PCDHA3: variants seen among roughly 807,000 people sequenced by gnomAD.
PCDHA3 encodes the protein protocadherin alpha 3.
Under a neutral mutation model 62.2 loss-of-function variants are expected in PCDHA3, and 41 were observed. The observed-to-expected ratio is 0.66, with a 90% CI of 0.51 to 0.86. PCDHA3 has a LOEUF of 0.86. Ranked by LOEUF, PCDHA3 falls within the 40% of genes least tolerant of loss-of-function variation. The probability of loss-of-function intolerance (pLI) is 0.00; values close to 1 mark genes in which losing one functional copy is unlikely to be tolerated. For synonymous variants in PCDHA3, 640 were observed against 555.4 expected, an observed-to-expected ratio of 1.15 and a Z score of -2.14; for missense variants, 1,304 against 1,241.2, an observed-to-expected ratio of 1.05 and a Z score of -0.76.
chr5:140,853,445 A>G, intron 1 of PCDHA3: 1 of 981,870 alleles, frequency 1.0e-6, no homozygotes, highest in Non-Finnish European at 1.2e-6. Flanking sequence ...ATTTTGCCTA[A>G]TAGGTCTCCT....
chr5:140,928,081 C>G lies in PCDHA3; in HGVS notation c.2395-50868C>G, dbSNP rs782268064. On this transcript the variant is annotated intron_variant, in intron 1 of 3. Coordinates refer to ENST00000522353, the MANE Select transcript of PCDHA3 (RefSeq NM_018906.3). ...GGCTTCCTTTGACAACTACTACAGC[C>G]TGCTGATTGATGGGCCCCTGGACCG... is the stretch of plus-strand genomic sequence containing the variant. 6.2e-6 allele frequency: 10 copies of G among 1,614,090 alleles called. 1 individual carries two copies. In the South Asian group the frequency reaches 6.6e-5, roughly 11 times the overall value.
chr5:140,966,449 C>CT (rs1737219736), intron 1 of PCDHA3: 1 of 425,908 alleles, frequency 2.3e-6, no homozygotes, highest in South Asian at 9.0e-5. Context: ...CCCTTTCCCC[C>CT]TCCCCCTCTG....
chr5:140,869,730 T>G (rs1319130298), intron 1 of PCDHA3: 24 of 1,613,274 alleles, frequency 1.5e-5, no homozygotes, highest in Non-Finnish European at 2.0e-5. Context: ...CGGAACTTAA[T>G]TTGCTGCTAA....
chr5:140,942,733 T>C (rs1344147840), intron 1 of PCDHA3, among the ~76,000 whole-genome samples: 1 of 152,184 alleles, frequency 6.6e-6, no homozygotes, highest in Non-Finnish European at 1.5e-5. Context: ...TTGAAAAATA[T>C]TTTAAAATCT....
intron 1 of PCDHA3, chr5:140,825,891 G>A (rs1191731614): frequency 6.6e-6 from 1 of 152,362 alleles, no homozygotes; most frequent in Non-Finnish European, 1.5e-5. Context: ...GTTTATTAAA[G>A]CTGTATGTTT....
At chr5:140,859,044 G>A (rs1228604447) in intron 1 of PCDHA3, 2 of 150,376 alleles carry the variant, frequency 1.3e-5, no homozygotes, top group Non-Finnish European at 3.0e-5. Flanking sequence ...CTTTAAAAAC[G>A]TTTTCCATTT....
intron 1 of PCDHA3, among the ~76,000 whole-genome samples, chr5:140,838,972 A>G (rs1775978253): frequency 6.6e-6 from 1 of 151,966 alleles, no homozygotes; most frequent in African/African-American, 2.4e-5. Flanking sequence ...AGAACTGACA[A>G]TTTTCACTGT....
At chr5:140,877,705 G>A (rs974017564) in intron 1 of PCDHA3, 1 of 1,614,016 alleles carries the variant, frequency 6.2e-7, no homozygotes, top group South Asian at 1.1e-5. Flanking sequence ...CTCCAGCGCC[G>A]TGGGGAGTTG....
intron 1 of PCDHA3, among the ~76,000 whole-genome samples, chr5:140,949,517 C>T (rs2094387959): frequency 6.6e-6 from 1 of 151,706 alleles, no homozygotes; most frequent in African/African-American, 2.4e-5. Context: ...TTTATTGATC[C>T]TTTTATCTTC....
rs531269900 is a variant in PCDHA3, at chr5:140,802,701, C to A, written c.1504C>A (p.Arg502Ser). ...YSLVERRVGE[R>S]ALSSYVSVHA... ...GCTGGTGGAACGGCGGGTGGGGGAGCGCGCGCTGTCGAGCTACGTGTCGGT... is the reference window on the plus strand; with the variant it reads ...GCTGGTGGAACGGCGGGTGGGGGAGAGCGCGCTGTCGAGCTACGTGTCGGT... Residue 502 changes from arginine to serine, a missense_variant, in exon 1 of 4, where the codon CGC (arginine) becomes AGC (serine). By Grantham distance (110) the Arg-to-Ser change is moderately radical (BLOSUM62 -1). Coordinates refer to ENST00000522353, the MANE Select transcript of PCDHA3 (RefSeq NM_018906.3). 6.2e-6 allele frequency: 10 copies of A among 1,612,220 alleles called. No individual in the cohort carries two copies. Among genetic ancestry groups the A allele is most frequent in the African/African-American group, 1.3e-5 (1 of 74,890 alleles).
chr5:140,941,373 G>A (rs576282436), intron 1 of PCDHA3, among the ~76,000 whole-genome samples: 2 of 134,082 alleles, frequency 1.5e-5, no homozygotes, highest in South Asian at 5.1e-4. Flanking sequence ...CTGGAGTGTA[G>A]TGACAGGATT....
At chr5:140,966,313 C>T (rs1349194825) in intron 1 of PCDHA3, 18 of 386,704 alleles carry the variant, frequency 4.7e-5, no homozygotes, top group African/African-American at 2.5e-4. Flanking sequence ...CGTGTTCCTG[C>T]GGTCCGCTGG....
chr5:140,939,240 AGGT>A (rs1314261929), intron 1 of PCDHA3, among the ~76,000 whole-genome samples: 2 of 152,170 alleles, frequency 1.3e-5, no homozygotes, highest in African/African-American at 4.8e-5. Context: ...GGAAGGAGCA[AGGT>A]AGCTCTCTGG....
At chr5:140,836,246 G>A (rs2150134732) in intron 1 of PCDHA3, 2 of 1,613,810 alleles carry the variant, frequency 1.2e-6, no homozygotes, top group Non-Finnish European at 1.7e-6. Flanking sequence ...CGAGCATCCC[G>A]TTCCGCGTGG....
chr5:140,915,785 A>T (rs188846929), intron 1 of PCDHA3, among the ~76,000 whole-genome samples: 14 of 152,134 alleles, frequency 9.2e-5, no homozygotes, highest in Admixed American at 7.2e-4. Flanking sequence ...TGCTGTAACC[A>T]CTACCTGACT....
At chr5:140,883,417 A>C in intron 1 of PCDHA3, 3 of 1,614,146 alleles carry the variant, frequency 1.9e-6, no homozygotes, top group Non-Finnish European at 2.5e-6. Flanking sequence ...GCTCAAATGG[A>C]CAGGTCACCT....
Position 140,828,012 on chromosome 5 carries a change from A to G in PCDHA3, c.2394+24421A>G, listed in dbSNP as rs1183696276. On this transcript the variant is annotated intron_variant, in intron 1 of 3. Transcript: ENST00000522353. ...ATGATGGCGGACGCAGAAGAAATGG[A>G]TTAATAAATTCCGGAACATACAGTA... is the stretch of plus-strand genomic sequence containing the variant. 4.0e-6 allele frequency: 6 copies of G among 1,508,934 alleles called. No homozygotes were observed. The East Asian group carries it at 1.4e-4, about 34-fold the overall frequency. The allele number at this position is 1,508,934 out of a possible 1,614,324, so 93.5% of individuals were successfully genotyped here. A position where few individuals can be genotyped will look rare whatever the true frequency, so the allele number is the denominator to read the frequency against.
chr5:140,823,556 G>A (rs2150126875), intron 1 of PCDHA3: 5 of 1,613,888 alleles, frequency 3.1e-6, no homozygotes, highest in Non-Finnish European at 3.4e-6. Context: ...GCGAAGGTGC[G>A]CGCAGTGGAC....
chr5:140,830,147 G>C, intron 1 of PCDHA3: 1 of 1,613,286 alleles, frequency 6.2e-7, no homozygotes, highest in Non-Finnish European at 8.5e-7. Flanking sequence ...GTCGGTGGGC[G>C]CCGCGGGCCC....
Sources: gnomAD v4.1 joint callset for allele counts (sites outside exome capture counted in the v4.1 genomes callset) on GRCh38, gnomAD v4.1.1 for gene constraint, MANE v1.5 for transcripts, NCBI Gene and HGNC (gene_info 2026-07-23, HGNC 2026-07-21) for gene names.